QTMAN: variants seen among roughly 807,000 people sequenced by gnomAD.
The protein encoded by QTMAN is queuosine-tRNA mannosyltransferase.
chr2:144,243,203 G>A, the QTMAN span, among the ~76,000 whole-genome samples: 2 of 152,110 alleles, frequency 1.3e-5, no homozygotes, highest in Admixed American at 6.5e-5. Context: ...TTCTACCTAT[G>A]TATTGAGGAA....
At chr2:144,133,237 T>A in the QTMAN span, among the ~76,000 whole-genome samples, 28 of 58,860 alleles carry the variant, frequency 4.8e-4, no homozygotes, top group South Asian at 7.2e-3. Flanking sequence ...ATATTTATAT[T>A]TATATATAAA....
the QTMAN span, among the ~76,000 whole-genome samples, chr2:144,172,012 A>G: frequency 6.6e-6 from 1 of 152,272 alleles, no homozygotes; most frequent in African/African-American, 2.4e-5. Flanking sequence ...GAGTTTTCAA[A>G]GTATTTTCAT....
the QTMAN span, among the ~76,000 whole-genome samples, chr2:144,012,918 A>G: frequency 1.3e-5 from 2 of 152,218 alleles, no homozygotes; most frequent in East Asian, 1.9e-4. Flanking sequence ...TGGGGCAGAC[A>G]AGGAGAGAGG....
At chr2:144,183,387 T>C in the QTMAN span, among the ~76,000 whole-genome samples, 3 of 152,270 alleles carry the variant, frequency 2.0e-5, no homozygotes, top group East Asian at 5.8e-4. Context: ...TTTTTTTTCC[T>C]TCTCCACTTT....
chr2:144,332,233 G>C, the QTMAN span, among the ~76,000 whole-genome samples: 2 of 151,678 alleles, frequency 1.3e-5, no homozygotes, highest in African/African-American at 4.8e-5. Context: ...AGCGCAGCGC[G>C]TGCGCCCGGG....
At chr2:144,177,372 A>G in the QTMAN span, 1 of 572,052 alleles carries the variant, frequency 1.7e-6, no homozygotes, top group African/African-American at 1.9e-5. Flanking sequence ...GGGGGTAGTC[A>G]ATTGGAGATG....
chr2:144,107,972 T>C, the QTMAN span, among the ~76,000 whole-genome samples: 3 of 152,168 alleles, frequency 2.0e-5, no homozygotes, highest in Non-Finnish European at 4.4e-5. Flanking sequence ...ATAAACGTAA[T>C]CCAGCATATA....
At chr2:144,272,667 T>C in the QTMAN span, among the ~76,000 whole-genome samples, 4 of 152,156 alleles carry the variant, frequency 2.6e-5, no homozygotes, top group Admixed American at 6.6e-5. Context: ...CCAGAACTGT[T>C]ACAAATGCTA....
the QTMAN span, among the ~76,000 whole-genome samples, chr2:143,971,755 A>G: frequency 6.6e-6 from 1 of 152,108 alleles, no homozygotes. Flanking sequence ...GTTATATATC[A>G]GCAATTGAAT....
the QTMAN span, among the ~76,000 whole-genome samples, chr2:144,292,656 T>G: frequency 9.2e-5 from 14 of 152,258 alleles, no homozygotes; most frequent in South Asian, 2.1e-4. Context: ...CCCAAAAAAT[T>G]TATAGAGTCA....
At chr2:143,998,480 C>G in the QTMAN span, among the ~76,000 whole-genome samples, 2 of 151,204 alleles carry the variant, frequency 1.3e-5, no homozygotes, top group African/African-American at 2.4e-5. Flanking sequence ...GCTGTGCTAC[C>G]TTGGAATTTT....
At chr2:144,041,130 T>C in the QTMAN span, among the ~76,000 whole-genome samples, 1 of 152,172 alleles carries the variant, frequency 6.6e-6, no homozygotes, top group Non-Finnish European at 1.5e-5. Flanking sequence ...CAATCCTATA[T>C]GCTAAATATA....
the QTMAN span, among the ~76,000 whole-genome samples, chr2:144,287,393 C>G: frequency 1.3e-5 from 2 of 150,666 alleles, no homozygotes; most frequent in African/African-American, 4.9e-5. Context: ...GAGCCAAGAT[C>G]GCGCCACTGC....
chr2:144,029,851 AATTAT>A, the QTMAN span, among the ~76,000 whole-genome samples: 5,434 of 152,220 alleles, frequency 0.036, 134 homozygotes, highest in East Asian at 0.083. Flanking sequence ...GTGTTATTAC[AATTAT>A]ATTATGTTAA....
At chr2:144,132,166 C>T in the QTMAN span, among the ~76,000 whole-genome samples, 2 of 151,782 alleles carry the variant, frequency 1.3e-5, no homozygotes, top group African/African-American at 4.8e-5. Context: ...GTATTTAGCA[C>T]ATAAATAACA....
the QTMAN span, among the ~76,000 whole-genome samples, chr2:144,304,815 T>TA: frequency 3.3e-5 from 5 of 152,338 alleles, no homozygotes; most frequent in African/African-American, 1.2e-4. Context: ...ATTTATAATT[T>TA]AAAATACAAA....
chr2:144,133,116 A>ATATATAT, the QTMAN span, among the ~76,000 whole-genome samples: 2 of 41,386 alleles, frequency 4.8e-5, no homozygotes, highest in Non-Finnish European at 7.7e-5. Context: ...AATGACTGGT[A>ATATATAT]ATATATATAT....
At chr2:144,089,578 TG>T in the QTMAN span, among the ~76,000 whole-genome samples, 2 of 151,990 alleles carry the variant, frequency 1.3e-5, no homozygotes, top group Admixed American at 1.3e-4. Context: ...AAAGAAAATG[TG>T]GTGTATATTC....
At chr2:144,140,411 G>A in the QTMAN span, among the ~76,000 whole-genome samples, 1 of 151,840 alleles carries the variant, frequency 6.6e-6, no homozygotes, top group South Asian at 2.1e-4. Context: ...TTGCCTATAT[G>A]TGATATTAAA....
Sources: allele counts gnomAD v4.1 joint callset (sites outside exome capture counted in the v4.1 genomes callset), GRCh38; gene constraint gnomAD v4.1.1; transcripts MANE v1.5; gene names NCBI Gene and HGNC (gene_info 2026-07-23, HGNC 2026-07-21).